Variants in TAF12 observed in about 807,000 individuals in gnomAD.
TAF12 encodes transcription initiation factor TFIID subunit 12.
Under a neutral mutation model 20.8 loss-of-function variants are expected in TAF12, and 3 were observed. That is an observed-to-expected ratio of 0.14 (90% CI 0.07 to 0.37). The LOEUF (loss-of-function observed/expected upper bound fraction) is 0.37. TAF12 is among the 10% of genes least tolerant of loss of function. The pLI is 1.00. For synonymous variants in TAF12, 69 were observed against 70.2 expected, an observed-to-expected ratio of 0.98 and a Z score of 0.09; for missense variants, 131 against 197.9, an observed-to-expected ratio of 0.66 and a Z score of 2.03.
intron 3 of TAF12, among the ~76,000 whole-genome samples, chr1:28,617,247 A>T (rs749470033): frequency 1.3e-5 from 2 of 152,316 alleles, no homozygotes; most frequent in South Asian, 4.1e-4. Flanking sequence ...TGAGCAACAG[A>T]CTATGCCGTT....
At chr1:28,613,744 C>T (rs1041393661) in intron 3 of TAF12, among the ~76,000 whole-genome samples, 1 of 152,196 alleles carries the variant, frequency 6.6e-6, no homozygotes, top group Non-Finnish European at 1.5e-5. Flanking sequence ...GAAAATGGGA[C>T]ATGGATTTTA....
chr1:28,622,025 T>C lies in TAF12; in HGVS notation c.57A>G (p.Lys19=). 6.2e-7 allele frequency: 1 copy of C among 1,613,810 alleles called. No homozygotes were observed. The highest frequency in any genetic ancestry group is 8.5e-7 in the Non-Finnish European group (1 of 1,179,974). Residue 19 remains lysine (K), a synonymous_variant, in exon 2 of 6, where the codon AAA becomes AAG. Coordinates refer to ENST00000373824, the MANE Select transcript of TAF12 (RefSeq NM_005644.4). ...LINLSNFSSI[K]PEPASTPPQG... ...GTGGAGGGGTGCTGGCTGGTTCCGG[T>C]TTTATGGATGAGAAATTGGAGAGGT...
rs538464203 is a variant in TAF12 at position 28,635,981 on chromosome 1, G to A, written c.-85+7011C>T. ...TGATGGCATAAAAGCCCTATACTGT[G>A]GTGCATGACTTCACTTAATGACTGG... On this transcript the variant is annotated intron_variant, in intron 1 of 5. Transcript: ENST00000373824. Among the ~76,000 whole-genome samples, 138 of 152,156 alleles carry A rather than the reference G, an allele frequency of 9.1e-4. 1 individual carries two copies. The highest frequency in any genetic ancestry group is 3.4e-3 in the Middle Eastern group (1 of 294).
intron 3 of TAF12, among the ~76,000 whole-genome samples, chr1:28,614,701 A>G (rs563807759): frequency 6.6e-6 from 1 of 151,092 alleles, no homozygotes; most frequent in East Asian, 1.9e-4. Flanking sequence ...AAGCAAGCAG[A>G]GGAACCAGGA....
chr1:28,629,652 T>C (rs1000530019), intron 1 of TAF12, among the ~76,000 whole-genome samples: 2 of 152,016 alleles, frequency 1.3e-5, no homozygotes, highest in Non-Finnish European at 2.9e-5. Flanking sequence ...TTTTTGTTTG[T>C]TTGTTTGCAG....
chr1:28,622,191 G>A, intron 1 of TAF12, 26 bp from the exon 2 acceptor site: 2 of 1,474,630 alleles, frequency 1.4e-6, no homozygotes, highest in Non-Finnish European at 1.8e-6. Context: ...ACAAGAATTA[G>A]CTCTAGAAGA....
At chr1:28,609,211 G>A (rs1666774291) in intron 4 of TAF12, among the ~76,000 whole-genome samples, 1 of 151,404 alleles carries the variant, frequency 6.6e-6, no homozygotes, top group African/African-American at 2.4e-5. Flanking sequence ...CGAGTAGCTG[G>A]GATTACAGGC....
At chr1:28,622,970 TGA>T (rs147123659) in intron 1 of TAF12, among the ~76,000 whole-genome samples, 30,301 of 150,530 alleles carry the variant, frequency 0.2, 3,728 homozygotes, top group Middle Eastern at 0.29. Flanking sequence ...GAGCTTGCAG[TGA>T]GCCGAGATCA....
At chr1:28,637,460 T>A (rs1667874631) in intron 1 of TAF12, among the ~76,000 whole-genome samples, 1 of 151,146 alleles carries the variant, frequency 6.6e-6, no homozygotes, top group African/African-American at 2.4e-5. Flanking sequence ...AGGTCAGGAG[T>A]TCAAGACCAG....
intron 5 of TAF12, among the ~76,000 whole-genome samples, chr1:28,604,944 C>T (rs959313851): frequency 6.6e-6 from 1 of 152,148 alleles, no homozygotes; most frequent in Admixed American, 6.6e-5. Context: ...ATGTCCAGCA[C>T]GGCAGCCTGG....
At chr1:28,622,346 C>A (rs1174119946) in intron 1 of TAF12, among the ~76,000 whole-genome samples, 181 bp from the exon 2 acceptor site, 1 of 138,342 alleles carries the variant, frequency 7.2e-6, no homozygotes, top group African/African-American at 2.7e-5. Flanking sequence ...ATAGCGAGAC[C>A]TAGTCTCTAC....
chr1:28,641,824 T>C (rs1668045930), intron 1 of TAF12, among the ~76,000 whole-genome samples: 1 of 148,552 alleles, frequency 6.7e-6, no homozygotes, highest in African/African-American at 2.5e-5. Flanking sequence ...AATTCCCTCC[T>C]GAGTTTGAAG....
At chr1:28,618,652 T>G (rs1425273307) in intron 2 of TAF12, among the ~76,000 whole-genome samples, 1 of 149,408 alleles carries the variant, frequency 6.7e-6, no homozygotes, top group Non-Finnish European at 1.5e-5. Context: ...CTGTACACAC[T>G]CTTCCTCTCT....
chr1:28,639,828 C>T (rs1324537124), intron 1 of TAF12, among the ~76,000 whole-genome samples: 1 of 151,962 alleles, frequency 6.6e-6, no homozygotes, highest in Non-Finnish European at 1.5e-5. Context: ...CAAATTTAAG[C>T]CCTTGTTTTT....
chr1:28,630,869 C>G (rs1667593618), intron 1 of TAF12, among the ~76,000 whole-genome samples: 2 of 151,418 alleles, frequency 1.3e-5, no homozygotes, highest in South Asian at 4.2e-4. Flanking sequence ...GATGGTGAAA[C>G]CCTGTCTCTA....
chr1:28,625,789 C>CCTCG (rs930346863), intron 1 of TAF12, among the ~76,000 whole-genome samples: 5 of 152,140 alleles, frequency 3.3e-5, no homozygotes, highest in Middle Eastern at 3.4e-3. Flanking sequence ...GATCCGCCTG[C>CCTCG]CTCGGCCTCC....
chr1:28,631,129 A>T (rs1667603863), intron 1 of TAF12, among the ~76,000 whole-genome samples: 1 of 152,034 alleles, frequency 6.6e-6, no homozygotes, highest in East Asian at 1.9e-4. Flanking sequence ...ACTTGTATCC[A>T]GCACATATAA....
At chr1:28,619,669 A>AG (rs1342821346) in intron 2 of TAF12, among the ~76,000 whole-genome samples, 79 of 134,100 alleles carry the variant, frequency 5.9e-4, no homozygotes, top group African/African-American at 1.9e-3. Flanking sequence ...AAAAAAAAAA[A>AG]GCCGGGTACG....
chr1:28,631,523 T>C (rs1462003011), intron 1 of TAF12, among the ~76,000 whole-genome samples: 1 of 145,126 alleles, frequency 6.9e-6, no homozygotes, highest in Non-Finnish European at 1.5e-5. Context: ...AGACTCCTTC[T>C]CTCCAAAAAA....
Sources: allele counts gnomAD v4.1 joint callset (sites outside exome capture counted in the v4.1 genomes callset), GRCh38; gene constraint gnomAD v4.1.1; transcripts MANE v1.5; gene names NCBI Gene and HGNC (gene_info 2026-07-23, HGNC 2026-07-21).